The following TACR3 variants were observed in gnomAD, a reference collection of about 807,000 sequenced individuals.
The protein encoded by TACR3 is neuromedin-K receptor.
In TACR3, 34 loss-of-function variants were observed where a neutral mutation model predicts 35.0. That is an observed-to-expected ratio of 0.97 (90% CI 0.74 to 1.30). TACR3 has a LOEUF of 1.30. TACR3 is among the 50% of genes most tolerant of loss of function. The pLI, the probability that TACR3 is intolerant of heterozygous loss-of-function variation, is 0.00. For synonymous variants in TACR3, 233 were observed against 221.1 expected (o/e 1.05, Z -0.48); for missense variants, 558 against 591.7 (o/e 0.94, Z 0.59).
intron 1 of TACR3, among the ~76,000 whole-genome samples, chr4:103,678,769 C>CA (rs1315316698): frequency 6.9e-6 from 1 of 144,840 alleles, no homozygotes; most frequent in Non-Finnish European, 1.5e-5. Context: ...GCATGAGATA[C>CA]ACTTAGAAAA....
chr4:103,646,400 A>G (rs758090510), intron 3 of TACR3, among the ~76,000 whole-genome samples: 2 of 151,980 alleles, frequency 1.3e-5, no homozygotes, highest in African/African-American at 4.8e-5. Context: ...TAACATTCAC[A>G]TTGTTTCCAT....
chr4:103,669,155 C>T lies in TACR3; in HGVS notation c.549-10752G>A, dbSNP rs1017066328. On this transcript the variant is annotated intron_variant, in intron 1 of 4. Coordinates refer to ENST00000304883, the MANE Select transcript of TACR3 (RefSeq NM_001059.3). ...TGCAAATGACAGGATTTCATTTTTT[C>T]ATGGCTGAATAGTATTCTATTATGT... is the stretch of plus-strand genomic sequence containing the variant. 3.3e-5 allele frequency among the ~76,000 whole-genome samples: 5 copies of T among 152,058 alleles called. No homozygotes were observed. In the South Asian group the frequency reaches 6.2e-4, roughly 19 times the overall value.
At chr4:103,620,575 G>A (rs1026541333) in intron 3 of TACR3, among the ~76,000 whole-genome samples, 1 of 152,110 alleles carries the variant, frequency 6.6e-6, no homozygotes, top group African/African-American at 2.4e-5. Flanking sequence ...ATAAAAAAGA[G>A]GGAAATCATG....
At chr4:103,713,942 G>T (rs1186461418) in intron 1 of TACR3, among the ~76,000 whole-genome samples, 1 of 152,110 alleles carries the variant, frequency 6.6e-6, no homozygotes, top group Non-Finnish European at 1.5e-5. Context: ...AAGAAGTCAA[G>T]GACTGAAATG....
Position 103,589,837 on chromosome 4 carries a change from G to T in TACR3, c.1243C>A (p.Pro415Thr), listed in dbSNP as rs780383548. The change falls in exon 5 of 5, where the codon CCC (proline) becomes ACC (threonine). Residue 415 changes from proline (P) to threonine (T), a missense_variant. By Grantham distance (38) the Pro-to-Thr change is conservative. Transcript: ENST00000304883. ...GACCTGGTGGTGTCTGCATCGTTGG[G>T]GTCAAACACGACTGTCATGGACTCC... ...RMESMTVVFD[P>T]NDADTTRSSR... 2 of 1,613,868 alleles carry T rather than the reference G, an allele frequency of 1.2e-6. No homozygotes were observed. The highest frequency in any genetic ancestry group is 8.5e-7 in the Non-Finnish European group (1 of 1,179,862).
intron 1 of TACR3, among the ~76,000 whole-genome samples, chr4:103,710,249 C>T (rs914053919): frequency 2.6e-5 from 4 of 152,020 alleles, no homozygotes; most frequent in Admixed American, 1.3e-4. Context: ...TTGACCACAC[C>T]GTTGGAAGTA....
chr4:103,685,022 A>AATAC lies in TACR3; in HGVS notation c.549-26620_549-26619insGTAT, dbSNP rs1722197699. ...AAATAAATAAATAAATAAATAAATA[A>AATAC]ATAAATAAAATGTATATTAACTAGT... On this transcript the variant is annotated intron_variant, in intron 1 of 4. Coordinates refer to ENST00000304883, the MANE Select transcript of TACR3 (RefSeq NM_001059.3). Among the ~76,000 whole-genome samples the AATAC allele has an allele frequency of 6.1e-5, 9 of 146,652 alleles. No individual in the cohort carries two copies. The South Asian group carries it at 1.9e-3, about 31-fold the overall frequency.
chr4:103,673,829 T>C (rs539808468), intron 1 of TACR3, among the ~76,000 whole-genome samples: 1 of 152,298 alleles, frequency 6.6e-6, no homozygotes, highest in East Asian at 1.9e-4. Flanking sequence ...TAAATAATAT[T>C]TCTAGTAGTC....
chr4:103,599,600 A>T (rs1013472612), intron 3 of TACR3, among the ~76,000 whole-genome samples: 13 of 152,110 alleles, frequency 8.5e-5, no homozygotes, highest in African/African-American at 3.1e-4. Context: ...TTTGTCATAG[A>T]TAGCTCTTAT....
intron 1 of TACR3, among the ~76,000 whole-genome samples, chr4:103,681,349 A>G (rs1722081940): frequency 6.6e-6 from 1 of 152,084 alleles, no homozygotes; most frequent in South Asian, 2.1e-4. Context: ...TCAGAAATTT[A>G]TTAGATATAT....
intron 3 of TACR3, among the ~76,000 whole-genome samples, chr4:103,634,979 G>A (rs1279823150): frequency 6.6e-6 from 1 of 151,958 alleles, no homozygotes; most frequent in Admixed American, 6.6e-5. Context: ...GCTACAAAAG[G>A]TTTTAGAGTT....
intron 1 of TACR3, among the ~76,000 whole-genome samples, chr4:103,676,561 CTACA>C (rs1003789420): frequency 2.0e-5 from 3 of 152,174 alleles, no homozygotes; most frequent in Admixed American, 6.6e-5. Context: ...AGAAATAAGA[CTACA>C]CATCTAAGAC....
At chr4:103,625,042 T>A (rs991215950) in intron 3 of TACR3, among the ~76,000 whole-genome samples, 45 of 152,074 alleles carry the variant, frequency 3.0e-4, no homozygotes, top group Admixed American at 2.9e-3. Flanking sequence ...AAACACGCAA[T>A]TGCCTCAGAA....
chr4:103,680,561 C>T (rs1722032725), intron 1 of TACR3, among the ~76,000 whole-genome samples: 2 of 148,766 alleles, frequency 1.3e-5, no homozygotes, highest in Admixed American at 1.3e-4. Context: ...ATATATATCA[C>T]TTAATATATA....
chr4:103,693,250 G>A (rs1417985382), intron 1 of TACR3, among the ~76,000 whole-genome samples: 4 of 152,054 alleles, frequency 2.6e-5, no homozygotes, highest in South Asian at 2.1e-4. Flanking sequence ...ACTGATTAAT[G>A]TATATTCTAA....
rs370111526 is a variant in TACR3, at chr4:103,681,955, A to T, written c.549-23552T>A. ...TGGAAATCAATAACAGGAAAGAGAA[A>T]AATTTCCAAACTTGGAAATTACACA... On this transcript the variant is annotated intron_variant, in intron 1 of 4. Transcript: ENST00000304883. 2.6e-5 allele frequency among the ~76,000 whole-genome samples: 4 copies of T among 152,164 alleles called. No individual in the cohort carries two copies. In the East Asian group the frequency reaches 5.8e-4, roughly 22 times the overall value.
intron 1 of TACR3, among the ~76,000 whole-genome samples, chr4:103,682,004 A>T (rs997096493): frequency 6.6e-6 from 1 of 152,168 alleles, no homozygotes; most frequent in Admixed American, 6.6e-5. Context: ...TAATTCATGT[A>T]TTCATGTTTA....
chr4:103,704,296 A>G (rs910493429), intron 1 of TACR3, among the ~76,000 whole-genome samples: 5 of 152,170 alleles, frequency 3.3e-5, no homozygotes, highest in Non-Finnish European at 5.9e-5. Context: ...TGTTAAAAAT[A>G]GCAATATGGA....
chr4:103,673,378 G>A (rs1726093066), intron 1 of TACR3, among the ~76,000 whole-genome samples: 1 of 152,072 alleles, frequency 6.6e-6, no homozygotes, highest in African/African-American at 2.4e-5. Context: ...AACACTTAGA[G>A]GACATTGTAT....
Sources: gnomAD v4.1 joint callset for allele counts (sites outside exome capture counted in the v4.1 genomes callset) on GRCh38, gnomAD v4.1.1 for gene constraint, MANE v1.5 for transcripts, NCBI Gene and HGNC (gene_info 2026-07-23, HGNC 2026-07-21) for gene names.